PALMD: variants seen among roughly 807,000 people sequenced by gnomAD.
PALMD encodes palmdelphin, also known as paralemmin-like protein.
A neutral mutation model predicts 56.2 loss-of-function variants in PALMD; 42 were observed. The ratio of observed to expected loss-of-function variants is 0.75; its 90% confidence interval spans 0.58 to 0.97. The LOEUF is 0.97. PALMD is among the 50% of genes least tolerant of loss of function. PALMD has a pLI of 0.00. For missense variants in PALMD, 660 were observed against 643.8 expected, an observed-to-expected ratio of 1.03 and a Z score of -0.27; for synonymous variants, 242 against 222.9, an observed-to-expected ratio of 1.09 and a Z score of -0.76.
intron 3 of PALMD, among the ~76,000 whole-genome samples, chr1:99,680,315 T>C (rs1571071492): frequency 6.6e-6 from 1 of 152,300 alleles, no homozygotes; most frequent in East Asian, 1.9e-4. Flanking sequence ...TACCTGCTTT[T>C]ACCCAGGGAG....
chr1:99,659,408 G>C (rs368600647), intron 1 of PALMD, among the ~76,000 whole-genome samples: 5 of 152,324 alleles, frequency 3.3e-5, no homozygotes, highest in South Asian at 2.1e-4. Context: ...GTTGGACATT[G>C]AGAAATAAGC....
intron 1 of PALMD, among the ~76,000 whole-genome samples, chr1:99,652,694 G>GGAAAA (rs1226790564): frequency 0.13 from 11,007 of 85,766 alleles, 770 homozygotes; most frequent in Middle Eastern, 0.16. Context: ...GGAAAGGAAA[G>GGAAAA]GAAAAGAAAA....
intron 2 of PALMD, 62 bp from the exon 3 acceptor site, chr1:99,667,580 G>A: frequency 7.2e-7 from 1 of 1,385,242 alleles, no homozygotes; most frequent in South Asian, 1.2e-5. Flanking sequence ...TTTGAAAGCA[G>A]TAAGAGATTT....
Position 99,689,403 on chromosome 1 carries a change from C to G in PALMD, c.1143C>G (p.His381Gln). 1 of 1,613,718 alleles carries G rather than the reference C, an allele frequency of 6.2e-7. No homozygotes were observed. The highest frequency in any genetic ancestry group is 8.5e-7 in the Non-Finnish European group (1 of 1,179,834). Residue 381 changes from histidine (H) to glutamine (Q), a missense_variant, in exon 7 of 8, where the codon CAC (histidine) becomes CAG (glutamine). Physicochemically the swap from His to Gln is conservative, Grantham distance 24. Transcript: ENST00000263174. The stretch of plus-strand genomic sequence containing the variant: ...AGACAATATTTGGGAAATCTGAACA[C>G]CAGAATTCTTCACCCACTTGTCAGG... ...PRETIFGKSEHQNSSPTCQED... is the reference protein window; with the variant it reads ...PRETIFGKSEQQNSSPTCQED...
rs368377441 is a variant in PALMD at position 99,655,681 on chromosome 1, C to G, written c.46-6638C>G. Among the ~76,000 whole-genome samples, 8 of 152,302 alleles carry G rather than the reference C, an allele frequency of 5.3e-5. No homozygotes were observed. The South Asian group carries it at 1.5e-3, about 28-fold the overall frequency. On this transcript the variant is annotated intron_variant, in intron 1 of 7. Transcript: ENST00000263174. ...TCATGTCTATAAATTTTTCTACCCC[C>G]TGAAATGAAACCCATCAGAGACTGA...
rs565686047 is a variant in PALMD, at chr1:99,689,503, A to C, written c.1243A>C (p.Met415Leu). The C allele has an allele frequency of 9.3e-6, 15 of 1,613,852 alleles. No individual in the cohort carries two copies. The South Asian group carries it at 1.4e-4, about 15-fold the overall frequency. ...CATAAATGATACAGAACCGGTGACA[A>C]TGATTTTCATGGGGTATCAGCAGGC... ...PDINDTEPVT[M>L]IFMGYQQAED... The change falls in exon 7 of 8, where the codon ATG becomes CTG. Residue 415 changes from methionine to leucine, a missense_variant. Met to Leu is a conservative substitution (Grantham distance 15). Transcript: ENST00000263174.
intron 2 of PALMD, among the ~76,000 whole-genome samples, chr1:99,665,297 G>T (rs1487385318): frequency 1.3e-5 from 2 of 152,060 alleles, no homozygotes; most frequent in African/African-American, 4.8e-5. Context: ...TTTCAATTCT[G>T]AATTTCATTG....
At chr1:99,678,970 A>G (rs999119632) in intron 3 of PALMD, among the ~76,000 whole-genome samples, 4 of 151,994 alleles carry the variant, frequency 2.6e-5, no homozygotes, top group African/African-American at 9.7e-5. Context: ...GACTCTTAAA[A>G]AAAAAAAAAA....
chr1:99,682,879 T>C (rs1201680403), intron 3 of PALMD, among the ~76,000 whole-genome samples: 1 of 151,152 alleles, frequency 6.6e-6, no homozygotes, highest in Non-Finnish European at 1.5e-5. Flanking sequence ...CGTGGTGCAC[T>C]CCTGTAGTCC....
At chr1:99,674,159 T>C (rs1361093379) in intron 3 of PALMD, among the ~76,000 whole-genome samples, 2 of 152,182 alleles carry the variant, frequency 1.3e-5, no homozygotes. Context: ...CATATGCCCT[T>C]TTATTTCCTT....
At position 99,689,526 on chromosome 1, in the gene PALMD, G is replaced by A; in HGVS notation, c.1266G>A (p.Gln422=). Residue 422 remains glutamine (Q), a synonymous_variant, in exon 7 of 8, where the codon CAG becomes CAA. Coordinates refer to ENST00000263174, the MANE Select transcript of PALMD (RefSeq NM_017734.5). ...PVTMIFMGYQ[Q]AEDSEEDKKF... Reference sequence around the variant, plus strand: ...CAATGATTTTCATGGGGTATCAGCAGGCAGAAGACAGTGAAGAAGATAAGA... The same window carrying A: ...CAATGATTTTCATGGGGTATCAGCAAGCAGAAGACAGTGAAGAAGATAAGA... The A allele has an allele frequency of 6.2e-7, 1 of 1,613,816 alleles. No homozygotes were observed. The highest frequency in any genetic ancestry group is 8.5e-7 in the Non-Finnish European group (1 of 1,179,854).
intron 1 of PALMD, among the ~76,000 whole-genome samples, chr1:99,649,095 G>T (rs986740849): frequency 5.3e-5 from 8 of 151,944 alleles, no homozygotes; most frequent in African/African-American, 1.9e-4. Context: ...ATTGTTCAAG[G>T]GTAGATACTT....
At chr1:99,674,550 A>T (rs1653161203) in intron 3 of PALMD, among the ~76,000 whole-genome samples, 1 of 152,156 alleles carries the variant, frequency 6.6e-6, no homozygotes. Flanking sequence ...ATTATTGAGA[A>T]CTTGCCATAT....
At chr1:99,693,749 C>T (rs991471400) in intron 7 of PALMD, among the ~76,000 whole-genome samples, 4 of 152,154 alleles carry the variant, frequency 2.6e-5, no homozygotes, top group East Asian at 1.9e-4. Context: ...GTGCATTAAT[C>T]CTGTATTTGT....
At chr1:99,654,311 T>G (rs1193478016) in intron 1 of PALMD, among the ~76,000 whole-genome samples, 1 of 152,098 alleles carries the variant, frequency 6.6e-6, no homozygotes, top group African/African-American at 2.4e-5. Context: ...TGTGAAAATA[T>G]CCTACCCTTA....
chr1:99,673,519 C>T (rs1653135061), intron 3 of PALMD, among the ~76,000 whole-genome samples: 1 of 152,038 alleles, frequency 6.6e-6, no homozygotes, highest in Non-Finnish European at 1.5e-5. Context: ...CCATTTGTTT[C>T]TTATTAAATT....
intron 7 of PALMD, 92 bp from the exon 8 acceptor site, chr1:99,693,927 G>A (rs901526561): frequency 2.2e-5 from 18 of 809,742 alleles, no homozygotes; most frequent in African/African-American, 3.5e-5. Flanking sequence ...TCTGAGGTAT[G>A]TTCTAAACTT....
In PALMD at chr1:99,688,695, T is replaced by C. The variant is rs1653583067; in HGVS notation, c.515-80T>C. 11 of 920,090 alleles carry C rather than the reference T, an allele frequency of 1.2e-5. No homozygotes were observed. The East Asian group carries it at 2.4e-4, about 20-fold the overall frequency. 57.0% of individuals were successfully genotyped at this position (920,090 alleles called of 1,614,324 possible). On this transcript the variant is annotated intron_variant, in intron 6 of 7. Transcript: ENST00000263174. ...AAGAACATGAAGGGTCTACTTAATA[T>C]AAAAATAAACACAGTGAAAGCAGGT...
At chr1:99,658,598 C>T (rs891589642) in intron 1 of PALMD, among the ~76,000 whole-genome samples, 3 of 151,728 alleles carry the variant, frequency 2.0e-5, no homozygotes, top group Non-Finnish European at 4.4e-5. Context: ...AGTGAAACCC[C>T]GTCTCTACTA....
Sources: gnomAD v4.1 joint callset for allele counts (sites outside exome capture counted in the v4.1 genomes callset) on GRCh38, gnomAD v4.1.1 for gene constraint, MANE v1.5 for transcripts, NCBI Gene and HGNC (gene_info 2026-07-23, HGNC 2026-07-21) for gene names.